The following NRXN1 variants were observed in gnomAD, a reference collection of about 807,000 sequenced individuals.
NRXN1 encodes the protein neurexin-1.
In NRXN1, 39 loss-of-function variants were observed where a neutral mutation model predicts 150.9. The observed-to-expected ratio is 0.26, with a 90% CI of 0.20 to 0.34. The LOEUF (loss-of-function observed/expected upper bound fraction) is 0.34. NRXN1 is among the 10% of genes least tolerant of loss of function. NRXN1 has a pLI of 1.00. For synonymous variants in NRXN1, 924 were observed against 757.0 expected, an observed-to-expected ratio of 1.22 and a Z score of -3.62; for missense variants, 1,815 against 1,949.9, an observed-to-expected ratio of 0.93 and a Z score of 1.30.
chr2:50,541,189 T>G lies in NRXN1; in HGVS notation c.1760-2553A>C, dbSNP rs148195594. Among the ~76,000 whole-genome samples, 1,106 of 152,226 alleles carry G rather than the reference T, an allele frequency of 7.3e-3. 8 individuals carry two copies. The highest frequency in any genetic ancestry group is 0.025 in the African/African-American group (1,050 of 41,510). On this transcript the variant is annotated intron_variant, in intron 9 of 22. Coordinates refer to ENST00000401669, the MANE Select transcript of NRXN1 (RefSeq NM_001330078.2). Reference sequence around the variant, plus strand: ...AAATATACATATATATAAACATATATGTATGTATGTATTCCCATATGCTCT... The same window carrying G: ...AAATATACATATATATAAACATATAGGTATGTATGTATTCCCATATGCTCT...
intron 2 of NRXN1, among the ~76,000 whole-genome samples, chr2:51,019,809 G>A (rs1669308795): frequency 6.6e-6 from 1 of 151,956 alleles, no homozygotes; most frequent in Non-Finnish European, 1.5e-5. Context: ...CATAAAAGTG[G>A]AAAATGATTC....
chr2:50,547,522 G>A (rs763771209), intron 9 of NRXN1: 2 of 152,198 alleles, frequency 1.3e-5, no homozygotes, highest in Non-Finnish European at 2.9e-5. Flanking sequence ...CAAAGGGGAA[G>A]TCTGGAAAGA....
At chr2:50,499,490 A>G (rs1291715438) in intron 13 of NRXN1, among the ~76,000 whole-genome samples, 1 of 152,092 alleles carries the variant, frequency 6.6e-6, no homozygotes, top group Non-Finnish European at 1.5e-5. Flanking sequence ...CATCATTTCT[A>G]TCTTCTCCCC....
At chr2:50,766,893 T>C (rs1702451297) in intron 5 of NRXN1, among the ~76,000 whole-genome samples, 1 of 152,090 alleles carries the variant, frequency 6.6e-6, no homozygotes, top group Admixed American at 6.6e-5. Context: ...GCTGGGAGAT[T>C]TGTTTAAAGG....
intron 5 of NRXN1, among the ~76,000 whole-genome samples, chr2:50,701,511 C>A (rs930051858): frequency 6.6e-6 from 1 of 152,104 alleles, no homozygotes; most frequent in Non-Finnish European, 1.5e-5. Context: ...ACTTGAGAGT[C>A]TTGCATTTTT....
intron 18 of NRXN1, among the ~76,000 whole-genome samples, chr2:50,217,106 G>A (rs1486634923): frequency 6.6e-6 from 1 of 151,966 alleles, no homozygotes; most frequent in African/African-American, 2.4e-5. Context: ...AATTATAAAG[G>A]AATCAGAAAT....
At position 50,842,914 on chromosome 2, in the gene NRXN1, G is replaced by A. The variant is rs572724446; in HGVS notation, c.832+78955C>T. On this transcript the variant is annotated intron_variant, in intron 5 of 22. Coordinates refer to ENST00000401669, the MANE Select transcript of NRXN1 (RefSeq NM_001330078.2). ...TTCTAGTCTTAAGATTACAGAATAGGATTATACAGTATACAAACGTACTGT... is the reference window on the plus strand; with the variant it reads ...TTCTAGTCTTAAGATTACAGAATAGAATTATACAGTATACAAACGTACTGT... Among the ~76,000 whole-genome samples the A allele has an allele frequency of 1.1e-4, 17 of 152,180 alleles. No homozygotes were observed. The South Asian group carries it at 3.1e-3, about 28-fold the overall frequency.
chr2:50,538,279 C>T lies in NRXN1; in HGVS notation c.2117G>A (p.Gly706Asp), dbSNP rs199567209. ...TCTCTCACAGGACCTGCCAAGATAG[C>T]CTGTTCCGGAACAATCACAGACATA... is the stretch of plus-strand genomic sequence containing the variant. Reference protein sequence around the residue: ...NRYVCDCSGTGYLGRSCEREA... With the variant: ...NRYVCDCSGTDYLGRSCEREA... The change falls in exon 10 of 23, where the codon GGC (glycine) becomes GAC (aspartate). Residue 706 changes from glycine to aspartate, a missense_variant. Gly to Asp is a moderately conservative substitution (Grantham distance 94). Around this residue, in one of 6 missense-constraint regions of NRXN1, gnomAD observed 638 missense variants for 652.6 expected, o/e 0.98. Coordinates refer to ENST00000401669, the MANE Select transcript of NRXN1 (RefSeq NM_001330078.2). The T allele has an allele frequency of 1.2e-6, 2 of 1,612,612 alleles. No individual in the cohort carries two copies. Among genetic ancestry groups the T allele is most frequent in the Non-Finnish European group, 8.5e-7 (1 of 1,178,816 alleles).
At position 50,195,600 on chromosome 2, in the gene NRXN1, G is replaced by C. The variant is rs556055631; in HGVS notation, c.3546+41189C>G. Among the ~76,000 whole-genome samples the C allele has an allele frequency of 6.6e-4, 101 of 152,174 alleles. 2 individuals carry two copies. The South Asian group carries it at 0.021, about 31-fold the overall frequency. On this transcript the variant is annotated intron_variant, in intron 18 of 22. Coordinates refer to ENST00000401669, the MANE Select transcript of NRXN1 (RefSeq NM_001330078.2). ...GGGAAAAAATAATCTTACAAAGACAGCCTTCTCCACTGGCATTGCTTTTGA... is the reference window on the plus strand; with the variant it reads ...GGGAAAAAATAATCTTACAAAGACACCCTTCTCCACTGGCATTGCTTTTGA...
intron 5 of NRXN1, among the ~76,000 whole-genome samples, chr2:50,900,956 G>T (rs938999145): frequency 6.6e-6 from 1 of 152,118 alleles, no homozygotes; most frequent in East Asian, 1.9e-4. Context: ...CATGCTGCCA[G>T]TGAAGGCCTT....
rs139301150 is a variant in NRXN1, at chr2:50,892,064, A to C, written c.832+29805T>G. Among the ~76,000 whole-genome samples the C allele has an allele frequency of 5.3e-3, 808 of 152,174 alleles. 8 individuals are homozygous for C. Among genetic ancestry groups the C allele is most frequent in the African/African-American group, 0.019 (769 of 41,536 alleles). ...CATATGAACAACTATTATTTTAGGG[A>C]AAGAAAGGAAAGAGGATAGTTCTGA... On this transcript the variant is annotated intron_variant, in intron 5 of 22. Coordinates refer to ENST00000401669, the MANE Select transcript of NRXN1 (RefSeq NM_001330078.2).
chr2:50,508,779 C>A (rs1012934041), intron 12 of NRXN1, among the ~76,000 whole-genome samples: 7 of 152,082 alleles, frequency 4.6e-5, no homozygotes, highest in Admixed American at 3.9e-4. Context: ...TTAAAAATAA[C>A]CCTTTGGTTC....
chr2:49,986,708 C>A (rs1328147938), intron 21 of NRXN1, among the ~76,000 whole-genome samples: 1 of 152,156 alleles, frequency 6.6e-6, no homozygotes, highest in Admixed American at 6.5e-5. Flanking sequence ...TATCCATAAT[C>A]TCACACATTT....
At chr2:50,976,070 T>A (rs981007937) in intron 2 of NRXN1, among the ~76,000 whole-genome samples, 1 of 152,100 alleles carries the variant, frequency 6.6e-6, no homozygotes, top group Non-Finnish European at 1.5e-5. Flanking sequence ...TTGCTCCCAA[T>A]AATGCCTGTG....
At chr2:50,205,732 T>C (rs1267663819) in intron 18 of NRXN1, among the ~76,000 whole-genome samples, 1 of 152,102 alleles carries the variant, frequency 6.6e-6, no homozygotes, top group Admixed American at 6.6e-5. Context: ...AATGGATAAA[T>C]AATTGCAGTA....
intron 5 of NRXN1, among the ~76,000 whole-genome samples, chr2:50,891,571 A>C (rs1039379339): frequency 6.6e-6 from 1 of 152,098 alleles, no homozygotes; most frequent in African/African-American, 2.4e-5. Flanking sequence ...GACTTCTATA[A>C]AAATTAATCA....
At chr2:50,270,951 GC>G (rs2069532747) in intron 17 of NRXN1, among the ~76,000 whole-genome samples, 1 of 152,146 alleles carries the variant, frequency 6.6e-6, no homozygotes, top group South Asian at 2.1e-4. Flanking sequence ...GAGCCACTAT[GC>G]CCGGCCATAT....
At chr2:50,659,379 C>G (rs942459760) in intron 5 of NRXN1, among the ~76,000 whole-genome samples, 6 of 151,754 alleles carry the variant, frequency 4.0e-5, no homozygotes, top group African/African-American at 1.5e-4. Context: ...TTTGGGTATA[C>G]AGGATAACAC....
intron 17 of NRXN1, among the ~76,000 whole-genome samples, chr2:50,419,061 T>C (rs1274311509): frequency 6.6e-6 from 1 of 152,046 alleles, no homozygotes; most frequent in Non-Finnish European, 1.5e-5. Flanking sequence ...GAAGGGGCCA[T>C]GATTTGCCCC....
Sources: gnomAD v4.1 joint callset for allele counts (sites outside exome capture counted in the v4.1 genomes callset) on GRCh38, gnomAD v4.1.1 for gene constraint, gnomAD v4.1.1 regional missense constraint, MANE v1.5 for transcripts, NCBI Gene and HGNC (gene_info 2026-07-23, HGNC 2026-07-21) for gene names.